Variants in PCDHGA5 observed in about 807,000 individuals in gnomAD.
PCDHGA5 encodes the protein protocadherin gamma-A5.
Under a neutral mutation model 56.7 loss-of-function variants are expected in PCDHGA5, and 36 were observed. The observed-to-expected ratio is 0.64, with a 90% CI of 0.49 to 0.84. PCDHGA5 has a LOEUF of 0.84. Ranked by LOEUF, PCDHGA5 falls within the 40% of genes least tolerant of loss-of-function variation. PCDHGA5 has a pLI of 0.00. For missense variants in PCDHGA5, 1,305 were observed against 1,201.5 expected, an observed-to-expected ratio of 1.09 and a Z score of -1.27; for synonymous variants, 563 against 520.2, an observed-to-expected ratio of 1.08 and a Z score of -1.12.
intron 1 of PCDHGA5, chr5:141,395,872 T>G (rs950924655): frequency 2.0e-5 from 3 of 152,138 alleles, no homozygotes; most frequent in Non-Finnish European, 4.4e-5. Context: ...ATTAAGTATG[T>G]GAGTCAGTGG....
rs539901154 is a variant in PCDHGA5, at chr5:141,413,036, T to C, written c.2421+46285T>C. 238 of 805,778 alleles carry C rather than the reference T, an allele frequency of 3.0e-4. 1 individual carries two copies. Among genetic ancestry groups the C allele is most frequent in the Non-Finnish European group, 4.2e-4 (226 of 532,568 alleles). 49.9% of individuals were successfully genotyped at this position (805,778 alleles called of 1,614,324 possible). On this transcript the variant is annotated intron_variant, in intron 1 of 3. Transcript: ENST00000518069. ...TACACAAGCCCCACAAACCGGCTGC[T>C]GGGCTGCAGGGAAGCTCACTCCAGA...
chr5:141,443,251 C>T (rs200319609), intron 1 of PCDHGA5, among the ~76,000 whole-genome samples: 7 of 150,782 alleles, frequency 4.6e-5, no homozygotes, highest in East Asian at 3.9e-4. Flanking sequence ...GGCGCCAAGG[C>T]GGGTGGATCA....
intron 1 of PCDHGA5, among the ~76,000 whole-genome samples, chr5:141,456,955 T>A (rs1352654794): frequency 2.6e-5 from 4 of 151,974 alleles, no homozygotes; most frequent in African/African-American, 7.3e-5. Flanking sequence ...AGAGCAAAAC[T>A]CCATCTCAAA....
At position 141,512,346 on chromosome 5, in the gene PCDHGA5, G is replaced by A. The variant is rs1391003897; in HGVS notation, c.*1173G>A. ...CAGGCCATTCTTAGTCCCTGGGTTG[G>A]GGAGGCAGGGAGCTAGGGCAGGGAC... On this transcript the variant is annotated 3_prime_UTR_variant, in exon 4 of 4. Transcript: ENST00000518069. 6.5e-6 allele frequency: 1 copy of A among 152,876 alleles called. No individual in the cohort carries two copies. Among genetic ancestry groups the A allele is most frequent in the Non-Finnish European group, 1.5e-5 (1 of 68,232 alleles). 9.5% of individuals were successfully genotyped at this position (152,876 alleles called of 1,614,324 possible). A position where few individuals can be genotyped will look rare whatever the true frequency, so the allele number is the denominator to read the frequency against.
At chr5:141,408,723 C>G (rs1365936782) in intron 1 of PCDHGA5, 3 of 1,611,058 alleles carry the variant, frequency 1.9e-6, no homozygotes, top group Non-Finnish European at 2.5e-6. Flanking sequence ...AAGATAAACT[C>G]TAATCCTTAT....
chr5:141,505,377 C>G lies in PCDHGA5; in HGVS notation c.2481-16C>G, dbSNP rs1368451336. 1.9e-6 allele frequency: 3 copies of G among 1,614,036 alleles called. No homozygotes were observed. In the East Asian group the frequency reaches 6.7e-5, roughly 36 times the overall value. On this transcript the variant is annotated splice_polypyrimidine_tract_variant and intron_variant, in intron 2 of 3. Coordinates refer to ENST00000518069, the MANE Select transcript of PCDHGA5 (RefSeq NM_018918.3). Reference sequence around the variant, plus strand: ...CGGCCTGGGAGTCTGTGCTCACCATCCTACTCTCTCCCCAGCTCCCAAAAT... The same window carrying G: ...CGGCCTGGGAGTCTGTGCTCACCATGCTACTCTCTCCCCAGCTCCCAAAAT...
chr5:141,483,530 GC>G (rs1384645281), intron 1 of PCDHGA5, among the ~76,000 whole-genome samples: 2 of 152,158 alleles, frequency 1.3e-5, no homozygotes, highest in African/African-American at 4.8e-5. Flanking sequence ...GACTAAGGAA[GC>G]TGGGTGGTTG....
In PCDHGA5 at chr5:141,365,322, C is replaced by T. The variant is rs1344591303; in HGVS notation, c.992C>T (p.Ala331Val). Residue 331 changes from alanine (A) to valine (V), a missense_variant, in exon 1 of 4, where the codon GCT becomes GTT. Ala to Val is a moderately conservative substitution (Grantham distance 64, BLOSUM62 0). Coordinates refer to ENST00000518069, the MANE Select transcript of PCDHGA5 (RefSeq NM_018918.3). The stretch of plus-strand genomic sequence containing the variant: ...GATGGAGGCGCTCTTGTTGCCAGCG[C>T]TAAGGTGGTGGTCACAGTACAGGAC... The part of the protein sequence containing the change: ...AQDGGALVAS[A>V]KVVVTVQDVN... 1 of 1,613,958 alleles carries T rather than the reference C, an allele frequency of 6.2e-7. No individual in the cohort carries two copies. Among genetic ancestry groups the T allele is most frequent in the South Asian group, 1.1e-5 (1 of 91,080 alleles).
intron 1 of PCDHGA5, chr5:141,372,016 CGCTCAGCGCCAACGTGA>C (rs1768310600): frequency 6.2e-7 from 1 of 1,613,256 alleles, no homozygotes; most frequent in Non-Finnish European, 8.5e-7. Flanking sequence ...GGCTCGCCTA[CGCTCAGCGCCAACGTGA>C]GCCTGCGCGT....
At chr5:141,413,020 C>T in intron 1 of PCDHGA5, 1 of 693,768 alleles carries the variant, frequency 1.4e-6, no homozygotes, top group Non-Finnish European at 2.3e-6. Context: ...CTACACAAGC[C>T]CCACAAACCG....
intron 1 of PCDHGA5, chr5:141,385,839 AT>A (rs758941967): frequency 8.1e-4 from 124 of 153,978 alleles, no homozygotes; most frequent in Admixed American, 2.3e-3. Context: ...CAGTATAATC[AT>A]TTATTAATGG....
chr5:141,502,634 T>C (rs1306951640), intron 2 of PCDHGA5, among the ~76,000 whole-genome samples: 1 of 152,228 alleles, frequency 6.6e-6, no homozygotes. Flanking sequence ...CTGTGGATGA[T>C]ACTTTGAGAT....
At chr5:141,482,458 C>T (rs986628162) in intron 1 of PCDHGA5, among the ~76,000 whole-genome samples, 1 of 147,624 alleles carries the variant, frequency 6.8e-6, no homozygotes, top group Non-Finnish European at 1.5e-5. Context: ...ATTAGCATCC[C>T]TATGTGCCAG....
At chr5:141,449,101 G>T (rs1020443363) in intron 1 of PCDHGA5, among the ~76,000 whole-genome samples, 3 of 152,144 alleles carry the variant, frequency 2.0e-5, no homozygotes, top group Non-Finnish European at 4.4e-5. Flanking sequence ...TACATATGCA[G>T]TATATCTTTG....
At chr5:141,403,066 G>A in intron 1 of PCDHGA5, 1 of 1,614,076 alleles carries the variant, frequency 6.2e-7, no homozygotes, top group East Asian at 2.2e-5. Flanking sequence ...TGCCTGAAGA[G>A]ACAGAAAAGG....
chr5:141,410,079 T>A, intron 1 of PCDHGA5: 1 of 1,612,494 alleles, frequency 6.2e-7, no homozygotes, highest in Non-Finnish European at 8.5e-7. Context: ...ACTGGGGAGG[T>A]GCGCACGGCT....
Position 141,485,875 on chromosome 5 carries a change from C to T in PCDHGA5, c.2422-8932C>T, listed in dbSNP as rs1254918181. The T allele has an allele frequency of 1.9e-6, 3 of 1,614,150 alleles. No homozygotes were observed. The highest frequency in any genetic ancestry group is 2.2e-5 in the East Asian group (1 of 44,862). On this transcript the variant is annotated intron_variant, in intron 1 of 3. Transcript: ENST00000518069. This position sits in a 1 kb window ranked among gnomAD's most constrained non-coding sequence, Gnocchi z 5.7. ...CAGAGCTCCGGGTATCCGTGCTGGACGTAAACGACAACGCCCCAGCCTTCC... is the reference window on the plus strand; with the variant it reads ...CAGAGCTCCGGGTATCCGTGCTGGATGTAAACGACAACGCCCCAGCCTTCC...
chr5:141,508,535 C>A (rs1294413041), intron 3 of PCDHGA5, among the ~76,000 whole-genome samples: 1 of 152,172 alleles, frequency 6.6e-6, no homozygotes, highest in Non-Finnish European at 1.5e-5. Context: ...GGGCACCCCC[C>A]ACGAGGTGGG....
Position 141,431,668 on chromosome 5 carries a change from A to C in PCDHGA5, c.2422-63139A>C. ...ATTGTAATTCAGGGACAATATCAAC[A>C]ATAGGGGAGTTGGACCACGAGGAGT... is the stretch of plus-strand genomic sequence containing the variant. On this transcript the variant is annotated intron_variant, in intron 1 of 3. Coordinates refer to ENST00000518069, the MANE Select transcript of PCDHGA5 (RefSeq NM_018918.3). This position sits in a 1 kb window ranked among gnomAD's most constrained non-coding sequence, Gnocchi z 4.8. The C allele has an allele frequency of 6.2e-7, 1 of 1,614,208 alleles. No individual in the cohort carries two copies. Among genetic ancestry groups the C allele is most frequent in the Non-Finnish European group, 8.5e-7 (1 of 1,180,036 alleles).
Sources: allele counts gnomAD v4.1 joint callset (sites outside exome capture counted in the v4.1 genomes callset), GRCh38; gene constraint gnomAD v4.1.1; non-coding constraint Gnocchi (gnomAD v3.1); transcripts MANE v1.5; gene names NCBI Gene and HGNC (gene_info 2026-07-23, HGNC 2026-07-21).